Variants in LAMB4 observed in about 807,000 individuals in gnomAD.
The protein encoded by LAMB4 is laminin subunit beta 4.
A neutral mutation model predicts 199.2 loss-of-function variants in LAMB4; 196 were observed. That is an observed-to-expected ratio of 0.98 (90% confidence interval 0.88 to 1.11). LAMB4 has a LOEUF of 1.11. Ranked by LOEUF, LAMB4 falls within the 50% of genes least tolerant of loss-of-function variation. LAMB4 has a pLI of 0.00. For synonymous variants in LAMB4, 744 were observed against 770.6 expected, an observed-to-expected ratio of 0.97 and a Z score of 0.57; for missense variants, 2,080 against 2,171.2, an observed-to-expected ratio of 0.96 and a Z score of 0.83.
chr7:108,017,221 T>C, the LAMB4 span, among the ~76,000 whole-genome samples: 1 of 152,202 alleles, frequency 6.6e-6, no homozygotes, highest in Non-Finnish European at 1.5e-5. Flanking sequence ...GGAAGCCTTC[T>C]AGAGTGGCCA....
chr7:108,120,828 C>T lies in LAMB4; in HGVS notation c.34+2303G>A, dbSNP rs553234879. ...ATTTTTTTTTAATTGGAATTGTTGCCTTAGAGATTTAACATGTTTTTATAA... is the reference window on the plus strand; with the variant it reads ...ATTTTTTTTTAATTGGAATTGTTGCTTTAGAGATTTAACATGTTTTTATAA... On this transcript the variant is annotated intron_variant, in intron 2 of 33. Transcript: ENST00000388781. Among the ~76,000 whole-genome samples, 19 of 151,992 alleles carry T rather than the reference C, an allele frequency of 1.3e-4. No homozygotes were observed. The South Asian group carries it at 3.5e-3, about 28-fold the overall frequency.
Position 108,119,566 on chromosome 7 carries a change from T to C in LAMB4, c.35-3405A>G, listed in dbSNP as rs985673240. On this transcript the variant is annotated intron_variant, in intron 2 of 33. Coordinates refer to ENST00000388781, the MANE Select transcript of LAMB4 (RefSeq NM_007356.3). Reference sequence around the variant, plus strand: ...GTATCACATTACTGAATGACAAAATTATAGAGATAGAGAACAGATTAGTGG... The same window carrying C: ...GTATCACATTACTGAATGACAAAATCATAGAGATAGAGAACAGATTAGTGG... Among the ~76,000 whole-genome samples the C allele has an allele frequency of 2.8e-4, 43 of 152,262 alleles. 1 individual carries two copies. Among genetic ancestry groups the C allele is most frequent in the African/African-American group, 8.9e-4 (37 of 41,544 alleles).
chr7:108,117,691 T>G (rs2038456133), intron 2 of LAMB4, among the ~76,000 whole-genome samples: 1 of 152,158 alleles, frequency 6.6e-6, no homozygotes. Flanking sequence ...GAATGGCTAC[T>G]CCATAGACAG....
At chr7:108,082,675 G>A (rs897013620) in intron 14 of LAMB4, among the ~76,000 whole-genome samples, 1 of 152,162 alleles carries the variant, frequency 6.6e-6, no homozygotes, top group South Asian at 2.1e-4. Flanking sequence ...TTTGCAGTTG[G>A]CACTGGTTCT....
At chr7:108,023,272 C>T (rs1406652683), downstream of LAMB4, among the ~76,000 whole-genome samples, 1 of 151,512 alleles carries the variant, frequency 6.6e-6, no homozygotes, top group Non-Finnish European at 1.5e-5. Context: ...CAAACAGAAG[C>T]AATTTGCTCT....
chr7:108,028,947 TAAAACTGTA>T, intron 33 of LAMB4, 87 bp downstream of exon 33: 1 of 1,227,914 alleles, frequency 8.1e-7, no homozygotes, highest in Non-Finnish European at 1.1e-6. Context: ...ACCCAAGTGA[TAAAACTGTA>T]AGCTGACATT....
intron 2 of LAMB4, among the ~76,000 whole-genome samples, chr7:108,117,819 G>T (rs1420623679): frequency 6.6e-6 from 1 of 152,186 alleles, no homozygotes; most frequent in African/African-American, 2.4e-5. Context: ...ACTTCCTGAT[G>T]TTGCTATGAC....
chr7:108,058,293 A>ACATT (rs1230398514), intron 23 of LAMB4, among the ~76,000 whole-genome samples: 1 of 152,266 alleles, frequency 6.6e-6, no homozygotes, highest in Non-Finnish European at 1.5e-5. Context: ...ACCTGGTCTA[A>ACATT]CATTCATCAG....
intron 28 of LAMB4, among the ~76,000 whole-genome samples, chr7:108,046,314 CT>C (rs2035623415): frequency 2.0e-5 from 3 of 150,024 alleles, no homozygotes; most frequent in Non-Finnish European, 3.0e-5. Flanking sequence ...TGGTCTCGAA[CT>C]CCTGACTTCA....
intron 29 of LAMB4, among the ~76,000 whole-genome samples, chr7:108,038,550 C>A (rs1234862720): frequency 1.3e-5 from 2 of 152,228 alleles, no homozygotes; most frequent in Admixed American, 6.5e-5. Context: ...ACTGTTAGAG[C>A]AAGCTTGTTC....
intron 2 of LAMB4, among the ~76,000 whole-genome samples, chr7:108,121,181 G>T (rs566592420): frequency 7.4e-4 from 112 of 152,186 alleles, no homozygotes; most frequent in Non-Finnish European, 1.3e-3. Flanking sequence ...GATAGAACCT[G>T]AAGATAGAAT....
intron 25 of LAMB4, among the ~76,000 whole-genome samples, chr7:108,052,716 A>T (rs2035863766): frequency 6.6e-6 from 1 of 152,170 alleles, no homozygotes; most frequent in Admixed American, 6.5e-5. Context: ...TTTTTAGTGT[A>T]ACTTCTGTTC....
In LAMB4 at chr7:108,026,996, C is replaced by T. The variant is rs1584577581; in HGVS notation, c.5146+2047G>A. The T allele has an allele frequency of 6.5e-6, 3 of 460,270 alleles. No homozygotes were observed. In the East Asian group the frequency reaches 1.7e-4, roughly 26 times the overall value. 28.5% of individuals were successfully genotyped at this position (460,270 alleles called of 1,614,324 possible). On this transcript the variant is annotated intron_variant, in intron 33 of 33. Coordinates refer to ENST00000388781, the MANE Select transcript of LAMB4 (RefSeq NM_007356.3). ...AGCCCTCTAACTTCAACTTCTCTTC[C>T]AATCTAATTTCAAGAACTATAAAAG...
intron 28 of LAMB4, among the ~76,000 whole-genome samples, chr7:108,046,445 C>A (rs1266870753): frequency 2.0e-5 from 3 of 151,854 alleles, no homozygotes; most frequent in African/African-American, 7.3e-5. Context: ...CAATATTCAA[C>A]ATATAGTGGT....
At chr7:108,125,990 A>C (rs1431734243) in intron 1 of LAMB4, among the ~76,000 whole-genome samples, 1 of 152,236 alleles carries the variant, frequency 6.6e-6, no homozygotes, top group Non-Finnish European at 1.5e-5. Flanking sequence ...CCAAAGGAGC[A>C]GCAGGAGGAG....
intron 17 of LAMB4, among the ~76,000 whole-genome samples, chr7:108,074,679 A>G (rs2036637956): frequency 1.3e-5 from 2 of 152,178 alleles, no homozygotes; most frequent in Admixed American, 1.3e-4. Context: ...CAAATGCAAT[A>G]TTTTAAAATT....
rs141470382 is a variant in LAMB4, at chr7:108,055,533, T to C, written c.3755+99A>G. The C allele has an allele frequency of 4.7e-4, 586 of 1,259,182 alleles. 6 individuals are homozygous for C. In the African/African-American group the frequency reaches 7.6e-3, roughly 16 times the overall value. The allele number at this position is 1,259,182 out of a possible 1,614,324, so 78.0% of individuals were successfully genotyped here. A position where few individuals can be genotyped will look rare whatever the true frequency, so the allele number is the denominator to read the frequency against. The stretch of plus-strand genomic sequence containing the variant: ...AACTATCAGTCCCCTAAAGTCAACA[T>C]AGGTACATTTCTAAATTGAAGGCTG... On this transcript the variant is annotated intron_variant, in intron 25 of 33. Transcript: ENST00000388781.
intron 14 of LAMB4, among the ~76,000 whole-genome samples, chr7:108,091,099 T>TC (rs1391665142): frequency 2.2e-5 from 1 of 44,668 alleles, no homozygotes; most frequent in Non-Finnish European, 4.8e-5. Flanking sequence ...TCGAATTACC[T>TC]TTTTTTTTTG....
intron 14 of LAMB4, among the ~76,000 whole-genome samples, chr7:108,086,393 AT>A (rs2037177907): frequency 6.6e-6 from 1 of 152,158 alleles, no homozygotes; most frequent in South Asian, 2.1e-4. Flanking sequence ...CCCTGCTGTC[AT>A]CTGCTTCCAG....
Sources: gnomAD v4.1 joint callset for allele counts (sites outside exome capture counted in the v4.1 genomes callset) on GRCh38, gnomAD v4.1.1 for gene constraint, MANE v1.5 for transcripts, NCBI Gene and HGNC (gene_info 2026-07-23, HGNC 2026-07-21) for gene names.